NT5DC1: variants seen among roughly 807,000 people sequenced by gnomAD.
NT5DC1 encodes the protein 5'-nucleotidase domain containing 1.
Under a neutral mutation model 59.4 loss-of-function variants are expected in NT5DC1, and 42 were observed. That is an observed-to-expected ratio of 0.71 (90% CI 0.55 to 0.92). The LOEUF (loss-of-function observed/expected upper bound fraction) is 0.92. Among genes scored for constraint, NT5DC1 ranks in the 40% least tolerant of loss-of-function variants. The probability of loss-of-function intolerance (pLI) is 0.00; values close to 1 mark genes in which losing one functional copy is unlikely to be tolerated. For synonymous variants in NT5DC1, 172 were observed against 188.1 expected, an observed-to-expected ratio of 0.91 and a Z score of 0.70; for missense variants, 501 against 537.1, an observed-to-expected ratio of 0.93 and a Z score of 0.66.
intron 6 of NT5DC1, among the ~76,000 whole-genome samples, chr6:116,148,208 G>T (rs1355805098): frequency 6.6e-6 from 1 of 152,076 alleles, no homozygotes; most frequent in Non-Finnish European, 1.5e-5. Flanking sequence ...GGCAAATTGA[G>T]TAAGTTGGGG....
intron 6 of NT5DC1, among the ~76,000 whole-genome samples, chr6:116,215,882 T>C (rs1393437633): frequency 6.6e-6 from 1 of 152,172 alleles, no homozygotes; most frequent in African/African-American, 2.4e-5. Flanking sequence ...ATCATATTTA[T>C]AGACTGTATT....
At chr6:116,236,558 A>G (rs1442089122) in intron 8 of NT5DC1, among the ~76,000 whole-genome samples, 1 of 152,192 alleles carries the variant, frequency 6.6e-6, no homozygotes, top group Non-Finnish European at 1.5e-5. Flanking sequence ...TAGACTACTA[A>G]TTAAAAACTT....
At chr6:116,135,440 C>T (rs115185538) in intron 6 of NT5DC1, among the ~76,000 whole-genome samples, 4,411 of 151,726 alleles carry the variant, frequency 0.029, 229 homozygotes, top group African/African-American at 0.1. Context: ...TTAACAACTC[C>T]ATGTGAGTTC....
chr6:116,152,485 C>T (rs1168561918), intron 6 of NT5DC1, among the ~76,000 whole-genome samples: 1 of 151,984 alleles, frequency 6.6e-6, no homozygotes, highest in Non-Finnish European at 1.5e-5. Context: ...GATTATCTAC[C>T]CCACCGTGCC....
intron 6 of NT5DC1, among the ~76,000 whole-genome samples, chr6:116,138,549 G>C (rs1443348630): frequency 1.3e-5 from 2 of 151,900 alleles, no homozygotes; most frequent in Non-Finnish European, 2.9e-5. Context: ...GAAGCTAATT[G>C]AAAAGCAAAT....
chr6:116,221,498 A>G (rs1781804612), intron 7 of NT5DC1, among the ~76,000 whole-genome samples: 3 of 152,180 alleles, frequency 2.0e-5, no homozygotes, highest in African/African-American at 7.2e-5. Flanking sequence ...GGTAAACTGT[A>G]TATCCTTCAG....
chr6:116,116,247 A>G (rs866251954), intron 5 of NT5DC1, among the ~76,000 whole-genome samples: 9 of 152,252 alleles, frequency 5.9e-5, no homozygotes, highest in Non-Finnish European at 1.2e-4. Context: ...AAGATTAAAT[A>G]GATCTCTGGT....
intron 6 of NT5DC1, among the ~76,000 whole-genome samples, chr6:116,219,985 C>CAA (rs1491016334): frequency 1.4e-5 from 1 of 71,344 alleles, no homozygotes; most frequent in South Asian, 3.3e-4. Flanking sequence ...AAAAAAAAAA[C>CAA]AACTCTTCTT....
intron 7 of NT5DC1, among the ~76,000 whole-genome samples, chr6:116,221,897 T>G (rs1388875163): frequency 6.6e-6 from 1 of 152,182 alleles, no homozygotes; most frequent in Non-Finnish European, 1.5e-5. Flanking sequence ...GACTTCAGTG[T>G]GTAAATACTT....
Position 116,246,470 on chromosome 6 carries a change from C to T in NT5DC1, c.*2446C>T, listed in dbSNP as rs1406072423. 2 of 148,598 alleles carry T rather than the reference C, an allele frequency of 1.3e-5. No homozygotes were observed. The highest frequency in any genetic ancestry group is 3.0e-5 in the Non-Finnish European group (2 of 66,530). The allele number at this position is 148,598 out of a possible 1,614,324, so 9.2% of individuals were successfully genotyped here. A position where few individuals can be genotyped will look rare whatever the true frequency, so the allele number is the denominator to read the frequency against. Reference sequence around the variant, plus strand: ...TCATATCCAAAAATAACTTTAAATACACACACACACACACACACACACACT... The same window carrying T: ...TCATATCCAAAAATAACTTTAAATATACACACACACACACACACACACACT... On this transcript the variant is annotated 3_prime_UTR_variant, in exon 12 of 12. Coordinates refer to ENST00000319550, the MANE Select transcript of NT5DC1 (RefSeq NM_152729.3).
chr6:116,210,321 A>G (rs1011701752), intron 6 of NT5DC1, among the ~76,000 whole-genome samples: 1 of 151,992 alleles, frequency 6.6e-6, no homozygotes, highest in Admixed American at 6.6e-5. Flanking sequence ...ACTTATTAAA[A>G]TTCTGAACAA....
At chr6:116,127,279 A>G (rs1779341785) in intron 6 of NT5DC1, among the ~76,000 whole-genome samples, 1 of 152,048 alleles carries the variant, frequency 6.6e-6, no homozygotes, top group Admixed American at 6.6e-5. Flanking sequence ...CCTTCAAGCA[A>G]TTTTCTGTAT....
rs577333375 is a variant in NT5DC1 at position 116,110,662 on chromosome 6, G to T, written c.258-188G>T. 7 of 674,528 alleles carry T rather than the reference G, an allele frequency of 1.0e-5. No homozygotes were observed. In the Admixed American group the frequency reaches 1.4e-4, roughly 14 times the overall value. The allele number at this position is 674,528 out of a possible 1,614,324, so 41.8% of individuals were successfully genotyped here. ...CCTGCTACTTGATGGATTAAAGCGG[G>T]TAAGTGCTACAGCTGCCCACAGAAA... On this transcript the variant is annotated intron_variant, in intron 3 of 11. Transcript: ENST00000319550.
Position 116,247,281 on chromosome 6 carries a change from AAT to A in NT5DC1, c.*3260_*3261del, listed in dbSNP as rs1333973941. 1 of 152,190 alleles carries A rather than the reference AAT, an allele frequency of 6.6e-6. No individual in the cohort carries two copies. Among genetic ancestry groups the A allele is most frequent in the Non-Finnish European group, 1.5e-5 (1 of 68,016 alleles). 9.4% of individuals were successfully genotyped at this position (152,190 alleles called of 1,614,324 possible). On this transcript the variant is annotated 3_prime_UTR_variant, in exon 12 of 12. Transcript: ENST00000319550. ...ATTCATAATTTAGCCAAATATATTAAATATCTGTAATATAAAACTTACCTAGG... is the reference window on the plus strand; with the variant it reads ...ATTCATAATTTAGCCAAATATATTAAATCTGTAATATAAAACTTACCTAGG...
rs1398933633 is a variant in NT5DC1 at position 116,245,134 on chromosome 6, C to G, written c.*1110C>G. 6.6e-6 allele frequency: 1 copy of G among 152,120 alleles called. No homozygotes were observed. Among genetic ancestry groups the G allele is most frequent in the African/African-American group, 2.4e-5 (1 of 41,434 alleles). 9.4% of individuals were successfully genotyped at this position (152,120 alleles called of 1,614,324 possible). A position where few individuals can be genotyped will look rare whatever the true frequency, so the allele number is the denominator to read the frequency against. On this transcript the variant is annotated 3_prime_UTR_variant, in exon 12 of 12. Coordinates refer to ENST00000319550, the MANE Select transcript of NT5DC1 (RefSeq NM_152729.3). ...TGCTTTAATGGGTTTTACAGGCATG[C>G]TACAATCCAGGACTGTGGTGTTCTA...
chr6:116,127,873 G>A (rs1049166907), intron 6 of NT5DC1, among the ~76,000 whole-genome samples: 4 of 152,094 alleles, frequency 2.6e-5, no homozygotes, highest in Admixed American at 2.0e-4. Context: ...TATACCATTT[G>A]TTCATCTGTG....
chr6:116,128,680 A>G (rs1355926469), intron 6 of NT5DC1, among the ~76,000 whole-genome samples: 1 of 152,160 alleles, frequency 6.6e-6, no homozygotes. Context: ...TAAAGTGTTT[A>G]CACAGTGGTT....
chr6:116,127,825 A>G (rs1284530426), intron 6 of NT5DC1, among the ~76,000 whole-genome samples: 2 of 152,154 alleles, frequency 1.3e-5, no homozygotes, highest in African/African-American at 4.8e-5. Flanking sequence ...TCAGAAGACT[A>G]ATTCTCAGCT....
intron 1 of NT5DC1, among the ~76,000 whole-genome samples, chr6:116,105,533 C>A (rs1199121363): frequency 6.6e-6 from 1 of 152,126 alleles, no homozygotes; most frequent in Non-Finnish European, 1.5e-5. Context: ...GGACCATCTA[C>A]CTTTTGTGCA....
Sources: gnomAD v4.1 joint callset for allele counts (sites outside exome capture counted in the v4.1 genomes callset) on GRCh38, gnomAD v4.1.1 for gene constraint, MANE v1.5 for transcripts, NCBI Gene and HGNC (gene_info 2026-07-23, HGNC 2026-07-21) for gene names.